Variants in CENATAC observed in about 807,000 individuals in gnomAD.
CENATAC encodes centrosomal AT-AC splicing factor.
Under a neutral mutation model 53.7 loss-of-function variants are expected in CENATAC, and 53 were observed. The observed-to-expected ratio is 0.99, with a 90% confidence interval of 0.79 to 1.24. The LOEUF (loss-of-function observed/expected upper bound fraction) is 1.24, where lower values mean the gene tolerates loss of function less well. CENATAC is among the 50% of genes most tolerant of loss of function. The probability of loss-of-function intolerance (pLI) is 0.00; values close to 1 mark genes in which losing one functional copy is unlikely to be tolerated. For synonymous variants in CENATAC, 156 were observed against 144.6 expected (o/e 1.08, Z -0.57); for missense variants, 474 against 417.8 (o/e 1.13, Z -1.17).
In CENATAC at chr11:119,012,256, TAC is replaced by T; in HGVS notation, c.684+4_684+5del. 8 of 1,613,912 alleles carry T rather than the reference TAC, an allele frequency of 5.0e-6. No individual in the cohort carries two copies. The highest frequency in any genetic ancestry group is 6.8e-6 in the Non-Finnish European group (8 of 1,179,954). ...TCTCTGACATTCATTGGCCATCAGG[TAC>T]AAAGGATAAGCAAGCCAGAAGAGGG... On this transcript the variant is annotated splice_donor_region_variant and intron_variant, in intron 7 of 10. Coordinates refer to ENST00000334418, the MANE Select transcript of CENATAC (RefSeq NM_198489.3).
chr11:118,998,498 C>T lies in CENATAC; in HGVS notation c.189C>T (p.Cys63=), dbSNP rs935110892. The T allele has an allele frequency of 6.2e-7, 1 of 1,612,864 alleles. No homozygotes were observed. The highest frequency in any genetic ancestry group is 8.5e-7 in the Non-Finnish European group (1 of 1,179,580). The change falls in exon 2 of 11, where the codon TGC becomes TGT. Residue 63 remains cysteine, a synonymous_variant. Transcript: ENST00000334418. Reference sequence around the variant, plus strand: ...GCTATGTGCCCGAACACGAGCGATGCTGCTGGTGCCTGTGCTGCGGCTGTG... The same window carrying T: ...GCTATGTGCCCGAACACGAGCGATGTTGCTGGTGCCTGTGCTGCGGCTGTG... ...VERYVPEHER[C]CWCLCCGCEV...
chr11:119,001,799 G>A (rs184076352), intron 3 of CENATAC: 1 of 411,072 alleles, frequency 2.4e-6, no homozygotes, highest in African/African-American at 2.1e-5. Flanking sequence ...GTGCACACCT[G>A]TAGTCCTAGC....
At chr11:119,012,653 T>G (rs976486796) in intron 7 of CENATAC, 1 of 176,876 alleles carries the variant, frequency 5.7e-6, no homozygotes, top group African/African-American at 2.4e-5. Context: ...ATTCAGCCTT[T>G]GGGCAATTTC....
chr11:119,013,161 GTT>G, intron 7 of CENATAC, 69 bp from the exon 8 acceptor site: 1 of 1,185,470 alleles, frequency 8.4e-7, no homozygotes, highest in South Asian at 1.3e-5. Context: ...TTTGTCTATC[GTT>G]TCTAGGATTT....
rs782755359 is a variant in CENATAC at position 119,013,221 on chromosome 11, T to C, written c.685-11T>C. The C allele has an allele frequency of 6.2e-7, 1 of 1,603,340 alleles. No individual in the cohort carries two copies. Among genetic ancestry groups the C allele is most frequent in the South Asian group, 1.1e-5 (1 of 89,186 alleles). ...TTTAACTAGCACTTTTTTTCCCATT[T>C]CCAACTACAGGATATACCAGGAGTT... is the stretch of plus-strand genomic sequence containing the variant. On this transcript the variant is annotated splice_polypyrimidine_tract_variant and intron_variant, in intron 7 of 10. Transcript: ENST00000334418.
At chr11:119,012,484 A>G in intron 7 of CENATAC, 1 of 461,748 alleles carries the variant, frequency 2.2e-6, no homozygotes, top group South Asian at 2.7e-5. Flanking sequence ...CCCTCTGTAG[A>G]ACTCATAGTT....
intron 8 of CENATAC, among the ~76,000 whole-genome samples, chr11:119,013,823 A>G (rs1389584473): frequency 1.3e-5 from 2 of 151,582 alleles, no homozygotes; most frequent in Non-Finnish European, 2.9e-5. Flanking sequence ...TAAAAGCCTT[A>G]TATCCAGAAT....
In CENATAC at chr11:118,998,465, G is replaced by A; in HGVS notation, c.156G>A (p.Gln52=). ...EAARKAIRAA[Q]VERYVPEHER... Reference sequence around the variant, plus strand: ...CCCGCAAGGCCATCCGCGCCGCTCAGGTGGAGCGCTATGTGCCCGAACACG... The same window carrying A: ...CCCGCAAGGCCATCCGCGCCGCTCAAGTGGAGCGCTATGTGCCCGAACACG... The change falls in exon 2 of 11, where the codon CAG becomes CAA. Residue 52 remains glutamine, a synonymous_variant. Transcript: ENST00000334418. The A allele has an allele frequency of 6.2e-7, 1 of 1,613,134 alleles. No individual in the cohort carries two copies.
intron 3 of CENATAC, chr11:119,010,030 T>C (rs11217122): frequency 0.3 from 45,664 of 152,094 alleles, 7,811 homozygotes; most frequent in African/African-American, 0.46. Context: ...CCTGTAGTCC[T>C]ACCTACTCAG....
At chr11:119,012,602 T>C (rs781917069) in intron 7 of CENATAC, 4 of 212,514 alleles carry the variant, frequency 1.9e-5, no homozygotes, top group South Asian at 8.5e-5. Flanking sequence ...CCATCTCCCA[T>C]ATCCTGTCAA....
chr11:119,010,971 C>G, intron 4 of CENATAC, 141 bp downstream of exon 4: 1 of 745,118 alleles, frequency 1.3e-6, no homozygotes, highest in Non-Finnish European at 2.3e-6. Flanking sequence ...ACTAGATTCT[C>G]ATAAGGAGCA....
chr11:119,007,961 T>G (rs1406440303), intron 3 of CENATAC, among the ~76,000 whole-genome samples: 1 of 152,198 alleles, frequency 6.6e-6, no homozygotes, highest in East Asian at 1.9e-4. Flanking sequence ...AGGTCCTTGT[T>G]TCATACACCA....
chr11:119,004,204 C>T (rs1175681605), intron 3 of CENATAC, among the ~76,000 whole-genome samples: 1 of 151,974 alleles, frequency 6.6e-6, no homozygotes, highest in Non-Finnish European at 1.5e-5. Context: ...TATCAGAAAT[C>T]ATTTTAGCAT....
Position 119,015,610 on chromosome 11 carries a change from A to C in CENATAC, c.*12A>C. ...CAGAAAAAAGCTAATCATGCTCTCT[A>C]CCAACTACCATGAGGCTAAAAGCAA... On this transcript the variant is annotated 3_prime_UTR_variant, in exon 11 of 11. Coordinates refer to ENST00000334418, the MANE Select transcript of CENATAC (RefSeq NM_198489.3). 1 of 1,613,928 alleles carries C rather than the reference A, an allele frequency of 6.2e-7. No homozygotes were observed. The highest frequency in any genetic ancestry group is 8.5e-7 in the Non-Finnish European group (1 of 1,179,900).
In CENATAC at chr11:119,014,948, C is replaced by CTTAAAAAATAG; in HGVS notation, c.716-46_716-45insTTAAAAAATAG. ...ACAGCTAGGACATGTTTCACAATAG[C>CTTAAAAAATAG]CTGAAGACTTAAAAAAAAAAAAAAA... is the stretch of plus-strand genomic sequence containing the variant. On this transcript the variant is annotated intron_variant, in intron 8 of 10. Coordinates refer to ENST00000334418, the MANE Select transcript of CENATAC (RefSeq NM_198489.3). 2.4e-6 allele frequency: 3 copies of CTTAAAAAATAG among 1,263,880 alleles called. No homozygotes were observed. The South Asian group carries it at 4.0e-5, about 17-fold the overall frequency. 78.3% of individuals were successfully genotyped at this position (1,263,880 alleles called of 1,614,324 possible). A position where few individuals can be genotyped will look rare whatever the true frequency, so the allele number is the denominator to read the frequency against.
chr11:119,011,349 A>G, intron 5 of CENATAC, 66 bp downstream of exon 5: 2 of 1,445,728 alleles, frequency 1.4e-6, no homozygotes, highest in Non-Finnish European at 9.7e-7. Context: ...TCCCAGGTCC[A>G]GCATTTCATG....
At chr11:119,010,592 A>C (rs1942821619) in intron 3 of CENATAC, 172 bp from the exon 4 acceptor site, 2 of 601,472 alleles carry the variant, frequency 3.3e-6, no homozygotes, top group African/African-American at 1.9e-5. Flanking sequence ...AAGTGGAGCC[A>C]GTATGGCAAA....
intron 8 of CENATAC, chr11:119,014,704 T>TA (rs1273770117): frequency 8.3e-6 from 2 of 241,760 alleles, no homozygotes; most frequent in Admixed American, 5.4e-5. Context: ...CAGTGATACT[T>TA]ACAGGGGGAT....
At chr11:119,012,293 C>G in intron 7 of CENATAC, 39 bp downstream of exon 7, 1 of 1,607,980 alleles carries the variant, frequency 6.2e-7, no homozygotes. Context: ...GCCAATGGTC[C>G]CTCAGGTCTC....
Sources: allele counts gnomAD v4.1 joint callset (sites outside exome capture counted in the v4.1 genomes callset), GRCh38; gene constraint gnomAD v4.1.1; transcripts MANE v1.5; gene names NCBI Gene and HGNC (gene_info 2026-07-23, HGNC 2026-07-21).